The following DDX10 variants were observed in gnomAD, a reference collection of about 807,000 sequenced individuals.
DDX10 encodes DEAD-box helicase 10.
A neutral mutation model predicts 104.3 loss-of-function variants in DDX10; 74 were observed. That is an observed-to-expected ratio of 0.71 (90% confidence interval 0.59 to 0.86). DDX10 has a LOEUF of 0.86. Among genes scored for constraint, DDX10 ranks in the 40% least tolerant of loss-of-function variants. The pLI is 0.00. For synonymous variants in DDX10, 351 were observed against 353.4 expected, an observed-to-expected ratio of 0.99 and a Z score of 0.08; for missense variants, 952 against 1,040.0, an observed-to-expected ratio of 0.92 and a Z score of 1.16.
chr11:108,885,555 G>C (rs915455367), intron 16 of DDX10, among the ~76,000 whole-genome samples: 1 of 151,684 alleles, frequency 6.6e-6, no homozygotes, highest in African/African-American at 2.4e-5. Context: ...ACAGGGTTTC[G>C]GGTTTCACAG....
intron 6 of DDX10, among the ~76,000 whole-genome samples, chr11:108,684,169 A>T (rs1261391488): frequency 1.2e-3 from 46 of 38,898 alleles, no homozygotes; most frequent in African/African-American, 1.3e-3. Context: ...TTAAGGTTAT[A>T]GATTTTCTTT....
chr11:108,841,911 A>G (rs2134596468), intron 15 of DDX10, among the ~76,000 whole-genome samples: 1 of 152,294 alleles, frequency 6.6e-6, no homozygotes. Flanking sequence ...AGACAGAGCC[A>G]AGTTGTGTGC....
At chr11:108,938,185 GC>G (rs1864060393) in intron 17 of DDX10, among the ~76,000 whole-genome samples, 1 of 152,106 alleles carries the variant, frequency 6.6e-6, no homozygotes, top group African/African-American at 2.4e-5. Flanking sequence ...TCTGTAGAAT[GC>G]CTATACTGTT....
intron 16 of DDX10, among the ~76,000 whole-genome samples, chr11:108,873,346 G>A (rs1863107353): frequency 1.3e-5 from 2 of 152,018 alleles, no homozygotes; most frequent in South Asian, 4.2e-4. Context: ...TGTCCCCTTG[G>A]GAACAAAAGT....
chr11:108,825,630 C>T (rs1038970189), intron 13 of DDX10, among the ~76,000 whole-genome samples: 2 of 152,124 alleles, frequency 1.3e-5, no homozygotes, highest in Non-Finnish European at 2.9e-5. Flanking sequence ...TTCATGTTCA[C>T]CTATTAAGAT....
intron 13 of DDX10, among the ~76,000 whole-genome samples, chr11:108,838,164 TC>T (rs1301241822): frequency 6.9e-6 from 1 of 145,976 alleles, no homozygotes; most frequent in Non-Finnish European, 1.5e-5. Context: ...TAATTTTTAG[TC>T]CTTAAATATT....
chr11:108,818,545 C>T (rs1328773472), intron 13 of DDX10, among the ~76,000 whole-genome samples: 1 of 152,158 alleles, frequency 6.6e-6, no homozygotes, highest in Non-Finnish European at 1.5e-5. Context: ...AACCTGTTTA[C>T]TTCATTTGAT....
At chr11:108,897,016 A>T (rs113013334) in intron 16 of DDX10, among the ~76,000 whole-genome samples, 8 of 152,064 alleles carry the variant, frequency 5.3e-5, no homozygotes, top group African/African-American at 1.9e-4. Context: ...TTTTTAAAAA[A>T]TTTCTTATTA....
rs565122125 is a variant in DDX10, at chr11:108,785,087, C to T, written c.1966-53359C>T. Among the ~76,000 whole-genome samples, 7 of 152,258 alleles carry T rather than the reference C, an allele frequency of 4.6e-5. No individual in the cohort carries two copies. In the South Asian group the frequency reaches 1.5e-3, roughly 32 times the overall value. ...TACCAGTACCATGCTGTTTTGATCACTGTAGCCTTACAGTATTGTTTGAAG... is the reference window on the plus strand; with the variant it reads ...TACCAGTACCATGCTGTTTTGATCATTGTAGCCTTACAGTATTGTTTGAAG... On this transcript the variant is annotated intron_variant, in intron 13 of 17. Transcript: ENST00000322536.
At chr11:108,800,184 T>A (rs1861999408) in intron 13 of DDX10, among the ~76,000 whole-genome samples, 1 of 151,492 alleles carries the variant, frequency 6.6e-6, no homozygotes, top group Admixed American at 6.6e-5. Context: ...TGGCTCACTC[T>A]TGTAATCCCA....
chr11:108,703,057 T>C (rs1038493624), intron 9 of DDX10, among the ~76,000 whole-genome samples: 3 of 152,232 alleles, frequency 2.0e-5, no homozygotes, highest in African/African-American at 2.4e-5. Context: ...GGCTAGACTC[T>C]GTTAAAATAG....
At chr11:108,884,499 A>G (rs889791875) in intron 16 of DDX10, among the ~76,000 whole-genome samples, 12 of 152,104 alleles carry the variant, frequency 7.9e-5, no homozygotes, top group African/African-American at 2.9e-4. Context: ...CTGCTAATTA[A>G]TATTTTTCCA....
At chr11:108,761,444 G>T (rs1177280209) in intron 13 of DDX10, among the ~76,000 whole-genome samples, 1 of 151,990 alleles carries the variant, frequency 6.6e-6, no homozygotes, top group East Asian at 1.9e-4. Context: ...TCTCTAAATG[G>T]CTTTTAAAGA....
chr11:108,793,886 GTT>G (rs35778322), intron 13 of DDX10, among the ~76,000 whole-genome samples: 87 of 146,408 alleles, frequency 5.9e-4, no homozygotes, highest in South Asian at 4.4e-4. Context: ...TGAGATAAAT[GTT>G]TTTTTTTTTT....
intron 4 of DDX10, among the ~76,000 whole-genome samples, chr11:108,677,649 A>G (rs1359026179): frequency 6.7e-6 from 1 of 150,356 alleles, no homozygotes; most frequent in Non-Finnish European, 1.5e-5. Context: ...AGGAATGTTT[A>G]TAGTAGGTCA....
intron 16 of DDX10, among the ~76,000 whole-genome samples, chr11:108,910,916 A>T (rs185988673): frequency 6.6e-6 from 1 of 152,194 alleles, no homozygotes; most frequent in East Asian, 1.9e-4. Context: ...GTAACTTGCA[A>T]CTTGGAAATA....
chr11:108,776,225 G>A lies in DDX10; in HGVS notation c.1965+52763G>A, dbSNP rs556966322. On this transcript the variant is annotated intron_variant, in intron 13 of 17. Coordinates refer to ENST00000322536, the MANE Select transcript of DDX10 (RefSeq NM_004398.4). ...AAACTTTGTCTTCCTTTCAGCGAGG[G>A]TCAGCTAAAATCTCTTTTCTGTTCT... is the stretch of plus-strand genomic sequence containing the variant. 3.9e-5 allele frequency among the ~76,000 whole-genome samples: 6 copies of A among 152,248 alleles called. No homozygotes were observed. In the East Asian group the frequency reaches 9.7e-4, roughly 25 times the overall value.
chr11:108,934,323 A>G (rs1864010520), intron 17 of DDX10, among the ~76,000 whole-genome samples: 2 of 152,232 alleles, frequency 1.3e-5, no homozygotes, highest in Non-Finnish European at 2.9e-5. Context: ...CAGGAAGAGC[A>G]GATTTGGGGA....
At chr11:108,809,976 CCTT>C (rs1417387675) in intron 13 of DDX10, among the ~76,000 whole-genome samples, 2 of 152,030 alleles carry the variant, frequency 1.3e-5, no homozygotes, top group Non-Finnish European at 2.9e-5. Context: ...ATCCTGCAAC[CCTT>C]CTTTTATATG....
Sources: gnomAD v4.1 joint callset for allele counts (sites outside exome capture counted in the v4.1 genomes callset) on GRCh38, gnomAD v4.1.1 for gene constraint, MANE v1.5 for transcripts, NCBI Gene and HGNC (gene_info 2026-07-23, HGNC 2026-07-21) for gene names.